The following PTPRD variants were observed in gnomAD, a reference collection of about 807,000 sequenced individuals.
PTPRD encodes receptor-type tyrosine-protein phosphatase delta.
In PTPRD, 34 loss-of-function variants were observed where a neutral mutation model predicts 214.5. That is an observed-to-expected ratio of 0.16 (90% CI 0.12 to 0.21). The LOEUF (loss-of-function observed/expected upper bound fraction) is 0.21. PTPRD is among the 10% of genes least tolerant of loss of function. PTPRD has a pLI of 1.00. For missense variants in PTPRD, 2,545 were observed against 2,398.7 expected, an observed-to-expected ratio of 1.06 and a Z score of -1.27; for synonymous variants, 1,128 against 845.7, an observed-to-expected ratio of 1.33 and a Z score of -5.79.
intron 8 of PTPRD, among the ~76,000 whole-genome samples, chr9:9,479,346 T>C (rs1025444272): frequency 7.5e-5 from 6 of 79,690 alleles, no homozygotes; most frequent in African/African-American, 1.0e-4. Context: ...TGAAAACTGA[T>C]GCACACACAC....
intron 11 of PTPRD, among the ~76,000 whole-genome samples, chr9:8,746,620 T>A (rs754650291): frequency 4.6e-5 from 7 of 152,166 alleles, no homozygotes; most frequent in Non-Finnish European, 8.8e-5. Flanking sequence ...CACCAAACTT[T>A]CTAGAAACCA....
chr9:9,091,800 A>G (rs1319592242), intron 10 of PTPRD, among the ~76,000 whole-genome samples: 1 of 152,216 alleles, frequency 6.6e-6, no homozygotes, highest in East Asian at 1.9e-4. Flanking sequence ...GTTGGGGCAA[A>G]TGGGATACTG....
intron 7 of PTPRD, among the ~76,000 whole-genome samples, chr9:9,700,724 T>C (rs1162537469): frequency 6.6e-6 from 1 of 152,000 alleles, no homozygotes; most frequent in African/African-American, 2.4e-5. Flanking sequence ...ACCATTATCA[T>C]TATTATAAAA....
chr9:8,902,428 C>T (rs1368196757), intron 11 of PTPRD, among the ~76,000 whole-genome samples: 3 of 151,464 alleles, frequency 2.0e-5, no homozygotes, highest in Middle Eastern at 3.4e-3. Context: ...CTGTAACCTC[C>T]GCCTCCTGGG....
intron 5 of PTPRD, among the ~76,000 whole-genome samples, chr9:9,817,023 G>A (rs1196264731): frequency 6.6e-6 from 1 of 151,978 alleles, no homozygotes; most frequent in Non-Finnish European, 1.5e-5. Flanking sequence ...TAATCAGGAA[G>A]CTGTAAATAA....
At chr9:9,947,531 T>TA (rs1356468096) in intron 4 of PTPRD, among the ~76,000 whole-genome samples, 141 of 21,220 alleles carry the variant, frequency 6.6e-3, no homozygotes, top group East Asian at 0.028. Context: ...ATTATATATA[T>TA]TTTATATATA....
At chr9:8,827,047 T>C (rs761041784) in intron 11 of PTPRD, among the ~76,000 whole-genome samples, 1 of 151,828 alleles carries the variant, frequency 6.6e-6, no homozygotes, top group African/African-American at 2.4e-5. Context: ...CACACACATA[T>C]AACACACACA....
chr9:9,898,266 A>G (rs764997141), intron 5 of PTPRD, among the ~76,000 whole-genome samples: 1 of 152,016 alleles, frequency 6.6e-6, no homozygotes, highest in Non-Finnish European at 1.5e-5. Flanking sequence ...AAAAGTAACC[A>G]TTTCATTTTG....
intron 8 of PTPRD, among the ~76,000 whole-genome samples, chr9:9,428,590 C>A (rs1341252502): frequency 6.6e-6 from 1 of 152,214 alleles, no homozygotes; most frequent in African/African-American, 2.4e-5. Context: ...CCCAAATCAA[C>A]AGAATATACA....
At chr9:9,374,997 T>G (rs2060410752) in intron 9 of PTPRD, among the ~76,000 whole-genome samples, 1 of 152,178 alleles carries the variant, frequency 6.6e-6, no homozygotes, top group African/African-American at 2.4e-5. Context: ...TCATAGAGAT[T>G]CAGTCATGCT....
rs963106970 is a variant in PTPRD, at chr9:8,449,847, G to T, written c.3876-10C>A. On this transcript the variant is annotated splice_polypyrimidine_tract_variant and intron_variant, in intron 33 of 45. Coordinates refer to ENST00000381196, the MANE Select transcript of PTPRD (RefSeq NM_002839.4). ...GGACTCTGCCCTCTTCCTATAGGGG[G>T]AAAATAGAAATTTAAGAAGAAAAGA... 2 of 1,608,956 alleles carry T rather than the reference G, an allele frequency of 1.2e-6. No individual in the cohort carries two copies. Among genetic ancestry groups the T allele is most frequent in the Non-Finnish European group, 1.7e-6 (2 of 1,176,562 alleles).
intron 3 of PTPRD, among the ~76,000 whole-genome samples, chr9:10,145,911 TA>T (rs1237055572): frequency 2.5e-4 from 38 of 152,020 alleles, no homozygotes; most frequent in African/African-American, 9.2e-4. Context: ...GAAACCAATA[TA>T]AAAATACAAA....
At chr9:10,449,794 A>G (rs1015294269) in intron 2 of PTPRD, among the ~76,000 whole-genome samples, 9 of 151,934 alleles carry the variant, frequency 5.9e-5, no homozygotes, top group Admixed American at 3.9e-4. Flanking sequence ...GTTTTGTCGA[A>G]TAGAAAAGGG....
At chr9:8,755,651 T>A (rs10977280) in intron 11 of PTPRD, among the ~76,000 whole-genome samples, 94,220 of 152,136 alleles carry the variant, frequency 0.62, 29,859 homozygotes, top group Middle Eastern at 0.72. Context: ...CAATCAAAAT[T>A]TAAAATTTCT....
chr9:9,912,004 T>G (rs10217222), intron 5 of PTPRD, among the ~76,000 whole-genome samples: 89,549 of 151,830 alleles, frequency 0.59, 27,280 homozygotes, highest in Non-Finnish European at 0.69. Context: ...GTTTATTTAT[T>G]AATTTGAGAA....
intron 26 of PTPRD, among the ~76,000 whole-genome samples, chr9:8,495,324 C>T (rs1213492249): frequency 6.6e-6 from 1 of 152,298 alleles, no homozygotes; most frequent in Middle Eastern, 3.4e-3. Flanking sequence ...TTCCTCAGTT[C>T]TTAGCAAGTT....
At chr9:10,242,685 C>A (rs1479696456) in intron 3 of PTPRD, among the ~76,000 whole-genome samples, 9 of 34,142 alleles carry the variant, frequency 2.6e-4, no homozygotes, top group African/African-American at 8.9e-4. Context: ...TAAGGGCTTA[C>A]TTAATTAAAA....
chr9:8,470,489 A>G (rs1244759291), intron 31 of PTPRD, among the ~76,000 whole-genome samples: 1 of 152,016 alleles, frequency 6.6e-6, no homozygotes, highest in Non-Finnish European at 1.5e-5. Flanking sequence ...TGCATTTTTG[A>G]CTCTGAAAAC....
chr9:9,258,493 G>C (rs749665862), intron 9 of PTPRD, among the ~76,000 whole-genome samples: 1 of 151,852 alleles, frequency 6.6e-6, no homozygotes, highest in Non-Finnish European at 1.5e-5. Flanking sequence ...TTAAGCTTCA[G>C]GTTGTACTGA....
Sources: allele counts gnomAD v4.1 joint callset (sites outside exome capture counted in the v4.1 genomes callset), GRCh38; gene constraint gnomAD v4.1.1; transcripts MANE v1.5; gene names NCBI Gene and HGNC (gene_info 2026-07-23, HGNC 2026-07-21).